Variants in CPLX2 observed in about 807,000 individuals in gnomAD.
CPLX2 encodes the protein complexin-2.
A neutral mutation model predicts 16.3 loss-of-function variants in CPLX2; 5 were observed. The observed-to-expected ratio is 0.31, with a 90% CI of 0.16 to 0.64. The LOEUF (loss-of-function observed/expected upper bound fraction) is 0.64, where lower values mean the gene tolerates loss of function less well. Among genes scored for constraint, CPLX2 ranks in the 30% least tolerant of loss-of-function variants. The pLI is 0.79. For missense variants in CPLX2, 144 were observed against 181.4 expected, an observed-to-expected ratio of 0.79 and a Z score of 1.18; for synonymous variants, 89 against 73.2, an observed-to-expected ratio of 1.22 and a Z score of -1.10.
chr5:175,827,083 G>A (rs1237390634), intron 2 of CPLX2, among the ~76,000 whole-genome samples: 1 of 152,170 alleles, frequency 6.6e-6, no homozygotes, highest in African/African-American at 2.4e-5. Flanking sequence ...AGCAGCTGCA[G>A]CAACAGGAGA....
rs182299911 is a variant in CPLX2, at chr5:175,830,964, C to A, written c.-89+21896C>A. 6.6e-6 allele frequency among the ~76,000 whole-genome samples: 1 copy of A among 152,178 alleles called. No individual in the cohort carries two copies. The highest frequency in any genetic ancestry group is 1.5e-5 in the Non-Finnish European group (1 of 68,036). On this transcript the variant is annotated intron_variant, in intron 2 of 4. Transcript: ENST00000359546. This position sits in a 1 kb window ranked among gnomAD's most constrained non-coding sequence, Gnocchi z 4.0. Reference sequence around the variant, plus strand: ...TCGTGCTCACACAGTTGTGTCAGTGCGATTGTGAGCATGGCTGGGGGTGCG... The same window carrying A: ...TCGTGCTCACACAGTTGTGTCAGTGAGATTGTGAGCATGGCTGGGGGTGCG...
chr5:175,820,034 C>T (rs1210604928), intron 2 of CPLX2, among the ~76,000 whole-genome samples: 1 of 152,188 alleles, frequency 6.6e-6, no homozygotes, highest in Non-Finnish European at 1.5e-5. Flanking sequence ...CCAAAAGTCC[C>T]TACAGAGGTC....
chr5:175,803,688 G>T (rs2113624712), intron 1 of CPLX2, among the ~76,000 whole-genome samples: 1 of 152,372 alleles, frequency 6.6e-6, no homozygotes, highest in East Asian at 1.9e-4. Flanking sequence ...TTGGGAGACA[G>T]AGGGGTGGCG....
Position 175,847,901 on chromosome 5 carries a change from C to T in CPLX2, c.-88-30751C>T, listed in dbSNP as rs565354522. Among the ~76,000 whole-genome samples the T allele has an allele frequency of 6.6e-5, 10 of 152,330 alleles. No homozygotes were observed. In the South Asian group the frequency reaches 8.3e-4, roughly 13 times the overall value. ...AGGTTCAAGCTTTCTCAGCTGCCGG[C>T]GAGTTTTATGGCCTCTGATGCTGAC... On this transcript the variant is annotated intron_variant, in intron 2 of 4. Transcript: ENST00000359546.
intron 1 of CPLX2, 35 bp from the exon 2 acceptor site, chr5:175,878,617 G>A (rs1755471218): frequency 9.1e-7 from 1 of 1,101,782 alleles, no homozygotes; most frequent in Non-Finnish European, 1.3e-6. Context: ...CTGTGCAGAG[G>A]CCTCTCCCAT....
At chr5:175,805,007 T>C (rs1238629419) in intron 1 of CPLX2, among the ~76,000 whole-genome samples, 2 of 152,228 alleles carry the variant, frequency 1.3e-5, no homozygotes, top group Non-Finnish European at 2.9e-5. Flanking sequence ...ATAATAATTA[T>C]AGGTAGCTTC....
chr5:175,874,763 A>T (rs1294407842), intron 1 of CPLX2, among the ~76,000 whole-genome samples: 1 of 152,130 alleles, frequency 6.6e-6, no homozygotes, highest in Non-Finnish European at 1.5e-5. Flanking sequence ...GAAGTGCACT[A>T]AACCAATAGG....
chr5:175,799,544 A>ATATATTTATATATATTTATATATATT (rs1238771061), intron 1 of CPLX2, among the ~76,000 whole-genome samples: 1 of 94,482 alleles, frequency 1.1e-5, no homozygotes, highest in African/African-American at 4.0e-5. Flanking sequence ...AATTTCATAT[A>ATATATTTATATATATTTATATATATT]TATATATATA....
At chr5:175,800,366 G>C (rs904895900) in intron 1 of CPLX2, among the ~76,000 whole-genome samples, 1 of 151,954 alleles carries the variant, frequency 6.6e-6, no homozygotes. Context: ...AGGGAAGTCA[G>C]CCATTAAAAG....
intron 2 of CPLX2, among the ~76,000 whole-genome samples, chr5:175,838,266 C>CT (rs1156770920): frequency 0.2 from 23,378 of 116,544 alleles, 2,988 homozygotes; most frequent in Middle Eastern, 0.24. Context: ...CCCCTCCTGT[C>CT]TTTTTTTTTT....
At chr5:175,853,573 G>A (rs999072192) in intron 2 of CPLX2, among the ~76,000 whole-genome samples, 2 of 152,160 alleles carry the variant, frequency 1.3e-5, no homozygotes, top group African/African-American at 4.8e-5. Context: ...ATTGTGCCCT[G>A]AGATATGCTG....
chr5:175,845,570 T>C lies in CPLX2; in HGVS notation c.-88-33082T>C, dbSNP rs775306530. On this transcript the variant is annotated intron_variant, in intron 2 of 4. Transcript: ENST00000359546. The surrounding 1 kb of genome is among the most constrained non-coding windows in gnomAD (Gnocchi z 4.0). ...GCGTCACTGTGTGTTATTTTCTTCATATTTTCTTCAGAGCATTGCCTGAAA... is the reference window on the plus strand; with the variant it reads ...GCGTCACTGTGTGTTATTTTCTTCACATTTTCTTCAGAGCATTGCCTGAAA... 1.3e-5 allele frequency among the ~76,000 whole-genome samples: 2 copies of C among 152,212 alleles called. No individual in the cohort carries two copies. Among genetic ancestry groups the C allele is most frequent in the African/African-American group, 2.4e-5 (1 of 41,436 alleles).
rs989268880 is a variant in CPLX2 at position 175,879,792 on chromosome 5, C to T, written c.208-56C>T. 3.2e-5 allele frequency: 49 copies of T among 1,519,752 alleles called. 1 individual carries two copies. In the Middle Eastern group the frequency reaches 4.5e-3, roughly 141 times the overall value. The allele number at this position is 1,519,752 out of a possible 1,614,324, so 94.1% of individuals were successfully genotyped here. A position where few individuals can be genotyped will look rare whatever the true frequency, so the allele number is the denominator to read the frequency against. The stretch of plus-strand genomic sequence containing the variant: ...CCAGTGCTGCATGATCATGAGACTC[C>T]TGCTGTCTCCTTGCCCACCCCGCTT... On this transcript the variant is annotated intron_variant, in intron 3 of 3. Transcript: ENST00000393745.
intron 2 of CPLX2, among the ~76,000 whole-genome samples, chr5:175,851,082 G>T (rs1759142483): frequency 2.0e-5 from 3 of 151,996 alleles, no homozygotes; most frequent in African/African-American, 7.2e-5. Flanking sequence ...GTTCTGGTGG[G>T]AGATAAATAA....
chr5:175,818,228 G>A (rs1034063896), intron 2 of CPLX2, among the ~76,000 whole-genome samples: 3 of 152,186 alleles, frequency 2.0e-5, no homozygotes, highest in South Asian at 2.1e-4. Flanking sequence ...ACAGAAAGTC[G>A]GGAGAAAAGG....
chr5:175,836,523 C>T (rs1758844604), intron 2 of CPLX2, among the ~76,000 whole-genome samples: 1 of 152,284 alleles, frequency 6.6e-6, no homozygotes, highest in African/African-American at 2.4e-5. Context: ...CTGGGGTTGT[C>T]CCATTGTCTC....
At chr5:175,860,538 A>T (rs145672877) in intron 2 of CPLX2, among the ~76,000 whole-genome samples, 3,666 of 29,696 alleles carry the variant, frequency 0.12, 90 homozygotes, top group South Asian at 0.19. Flanking sequence ...GAAAGAAAGA[A>T]AGATAGATAG....
Position 175,879,853 on chromosome 5 carries a change from G to A in CPLX2, c.213G>A (p.Gly71=), listed in dbSNP as rs1296978721. Residue 71 remains glycine, a synonymous_variant, in exon 4 of 4, where the codon GGG becomes GGA. Coordinates refer to ENST00000393745, the MANE Select transcript of CPLX2 (RefSeq NM_001008220.2). ...KVRQQIRDKY[G]LKKKEEKEAE... ...TCTGCCCTCCCCCTCCCCAGTATGG[G>A]CTGAAGAAGAAGGAGGAGAAGGAAG... 2.5e-6 allele frequency: 4 copies of A among 1,611,254 alleles called. No individual in the cohort carries two copies. Among genetic ancestry groups the A allele is most frequent in the Non-Finnish European group, 3.4e-6 (4 of 1,178,678 alleles).
rs1389458409 is a variant in CPLX2, at chr5:175,845,007, G to C, written c.-88-33645G>C. 6.6e-6 allele frequency among the ~76,000 whole-genome samples: 1 copy of C among 152,176 alleles called. No individual in the cohort carries two copies. The highest frequency in any genetic ancestry group is 1.9e-4 in the East Asian group (1 of 5,198). ...GAGCTTTTGGCTGCCCCTCTGCCCA[G>C]AACATTCCCTAACAAGGACCAGTTC... is the stretch of plus-strand genomic sequence containing the variant. On this transcript the variant is annotated intron_variant, in intron 2 of 4. Coordinates refer to the CPLX2 transcript ENST00000359546. The surrounding 1 kb of genome is among the most constrained non-coding windows in gnomAD (Gnocchi z 4.0).
Sources: allele counts gnomAD v4.1 joint callset (sites outside exome capture counted in the v4.1 genomes callset), GRCh38; gene constraint gnomAD v4.1.1; non-coding constraint Gnocchi (gnomAD v3.1); transcripts MANE v1.5; gene names NCBI Gene and HGNC (gene_info 2026-07-23, HGNC 2026-07-21).